PLIN3: variants seen among roughly 807,000 people sequenced by gnomAD.
PLIN3 encodes perilipin-3.
PLIN3 carries 30 observed loss-of-function variants against 35.9 expected under a neutral mutation model. The observed-to-expected ratio is 0.84, with a 90% CI of 0.62 to 1.13. The LOEUF is 1.13. PLIN3 is among the 50% of genes most tolerant of loss of function. The pLI is 0.00. For missense variants in PLIN3, 603 were observed against 596.9 expected, an observed-to-expected ratio of 1.01 and a Z score of -0.11; for synonymous variants, 261 against 262.5, an observed-to-expected ratio of 0.99 and a Z score of 0.06.
rs895146999 is a variant in PLIN3, at chr19:4,842,958, C to T, written c.960+1710G>A. ...ATCTGGGTCCGGGCACGGTGGCTCA[C>T]GCCTGTAATACCAGCACTTTGGGAG... On this transcript the variant is annotated intron_variant, in intron 7 of 7. Coordinates refer to ENST00000221957, the MANE Select transcript of PLIN3 (RefSeq NM_005817.5). Among the ~76,000 whole-genome samples the T allele has an allele frequency of 4.6e-5, 7 of 152,246 alleles. No individual in the cohort carries two copies. In the East Asian group the frequency reaches 5.8e-4, roughly 13 times the overall value.
At chr19:4,864,335 G>A (rs2030777771) in intron 1 of PLIN3, among the ~76,000 whole-genome samples, 1 of 151,812 alleles carries the variant, frequency 6.6e-6, no homozygotes, top group Non-Finnish European at 1.5e-5. Context: ...ATTTTTAGTA[G>A]AGATGGGGTT....
chr19:4,858,142 A>G (rs11669077), intron 4 of PLIN3, among the ~76,000 whole-genome samples: 100,453 of 149,884 alleles, frequency 0.67, 33,804 homozygotes, highest in East Asian at 0.84. Context: ...GCGTGGTGGC[A>G]GACGTCTGCA....
At chr19:4,840,538 C>A (rs919510989) in intron 7 of PLIN3, among the ~76,000 whole-genome samples, 1 of 152,138 alleles carries the variant, frequency 6.6e-6, no homozygotes, top group African/African-American at 2.4e-5. Context: ...CAGGCACGAG[C>A]CACTGCATTT....
intron 7 of PLIN3, among the ~76,000 whole-genome samples, chr19:4,843,369 C>A (rs367744527): frequency 2.6e-5 from 4 of 151,164 alleles, no homozygotes; most frequent in African/African-American, 9.7e-5. Flanking sequence ...TTAGCTGGGC[C>A]TGGTGGCGGG....
intron 1 of PLIN3, among the ~76,000 whole-genome samples, chr19:4,863,978 G>C (rs930104649): frequency 6.6e-6 from 1 of 152,038 alleles, no homozygotes; most frequent in Non-Finnish European, 1.5e-5. Flanking sequence ...TGTCGCCCAG[G>C]CTGCAGTGTA....
rs2030499521 is a variant in PLIN3 at position 4,857,038 on chromosome 19, G to A, written c.348+2552C>T. 3.3e-5 allele frequency among the ~76,000 whole-genome samples: 5 copies of A among 152,132 alleles called. No homozygotes were observed. The South Asian group carries it at 8.3e-4, about 25-fold the overall frequency. ...ATTTTTTCATCCCAGGCTGTTATAG[G>A]TTGAATTATGGCCCCCTCAACCCCA... is the stretch of plus-strand genomic sequence containing the variant. On this transcript the variant is annotated intron_variant, in intron 4 of 7. Transcript: ENST00000221957.
chr19:4,852,314 A>ACAGCAT lies in PLIN3; in HGVS notation c.349-19_349-14dup. ...TGTCCGCCAGGACCTAGGAGATGCAACAGCATCAGCATCTCTGCCTTCCCT... is the reference window on the plus strand; with the variant it reads ...TGTCCGCCAGGACCTAGGAGATGCAACAGCATCAGCATCAGCATCTCTGCCTTCCCT... On this transcript the variant is annotated splice_polypyrimidine_tract_variant and intron_variant, in intron 4 of 7. Coordinates refer to ENST00000221957, the MANE Select transcript of PLIN3 (RefSeq NM_005817.5). The ACAGCAT allele has an allele frequency of 1.3e-6, 2 of 1,596,946 alleles. No individual in the cohort carries two copies. Among genetic ancestry groups the ACAGCAT allele is most frequent in the Non-Finnish European group, 1.7e-6 (2 of 1,177,134 alleles).
intron 4 of PLIN3, among the ~76,000 whole-genome samples, chr19:4,857,675 G>A (rs1351060864): frequency 6.6e-6 from 1 of 151,986 alleles, no homozygotes; most frequent in Non-Finnish European, 1.5e-5. Context: ...CCATTCTGTA[G>A]AAAAGAAAGT....
At chr19:4,844,605 G>A in intron 7 of PLIN3, 63 bp downstream of exon 7, 3 of 1,511,768 alleles carry the variant, frequency 2.0e-6, no homozygotes, top group Non-Finnish European at 2.7e-6. Context: ...TGAAGCAGAG[G>A]TGTAGAGAGT....
intron 4 of PLIN3, 60 bp from the exon 5 acceptor site, chr19:4,852,361 CT>C: frequency 6.4e-7 from 1 of 1,559,710 alleles, no homozygotes; most frequent in East Asian, 2.3e-5. Flanking sequence ...CACCCCTCCC[CT>C]GCACCCCAAC....
intron 5 of PLIN3, among the ~76,000 whole-genome samples, chr19:4,848,621 C>A (rs1003566430): frequency 4.6e-5 from 7 of 152,216 alleles, no homozygotes; most frequent in African/African-American, 7.2e-5. Context: ...AATGCCAGCC[C>A]TTTGGGAGGC....
intron 2 of PLIN3, 103 bp downstream of exon 2, chr19:4,861,226 G>A: frequency 1.1e-6 from 1 of 943,450 alleles, no homozygotes; most frequent in Non-Finnish European, 1.7e-6. Flanking sequence ...TCCGTGAGCT[G>A]CCGGCAGATC....
intron 1 of PLIN3, among the ~76,000 whole-genome samples, chr19:4,861,884 T>C (rs569708618): frequency 2.6e-5 from 4 of 151,876 alleles, no homozygotes; most frequent in Non-Finnish European, 2.9e-5. Context: ...CCACCCACCT[T>C]GGCCTCCCAA....
chr19:4,854,695 G>A (rs1017692703), intron 4 of PLIN3, among the ~76,000 whole-genome samples: 2 of 152,024 alleles, frequency 1.3e-5, no homozygotes, highest in African/African-American at 4.8e-5. Flanking sequence ...ACACTGGCCC[G>A]GATTAAAATC....
intron 4 of PLIN3, among the ~76,000 whole-genome samples, chr19:4,852,946 C>T (rs893844747): frequency 4.6e-5 from 7 of 152,110 alleles, no homozygotes; most frequent in Middle Eastern, 6.8e-3. Flanking sequence ...TCCCGAGTAG[C>T]TGGGATTACA....
intron 4 of PLIN3, among the ~76,000 whole-genome samples, chr19:4,854,094 G>A (rs566234957): frequency 8.6e-5 from 13 of 151,796 alleles, no homozygotes; most frequent in African/African-American, 2.4e-4. Flanking sequence ...CACCACACCC[G>A]GCTTATTTTT....
rs1319027237 is a variant in PLIN3 at position 4,839,142 on chromosome 19, AG to A, written c.*49del. 1 of 1,445,976 alleles carries A rather than the reference AG, an allele frequency of 6.9e-7. No individual in the cohort carries two copies. The highest frequency in any genetic ancestry group is 1.3e-5 in the South Asian group (1 of 79,134). The allele number at this position is 1,445,976 out of a possible 1,614,324, so 89.6% of individuals were successfully genotyped here. Reference sequence around the variant, plus strand: ...ATGAGCCCCGGGTTGAGGACTCCAGAGCACAGCTGCATTATAGAGACGGGGC... The same window carrying A: ...ATGAGCCCCGGGTTGAGGACTCCAGACACAGCTGCATTATAGAGACGGGGC... On this transcript the variant is annotated 3_prime_UTR_variant, in exon 8 of 8. Coordinates refer to ENST00000221957, the MANE Select transcript of PLIN3 (RefSeq NM_005817.5).
In PLIN3 at chr19:4,847,745, G is replaced by T; in HGVS notation, c.780C>A (p.Ala260=). The T allele has an allele frequency of 6.2e-7, 1 of 1,612,198 alleles. No homozygotes were observed. Residue 260 remains alanine (A), a synonymous_variant, in exon 6 of 8, where the codon GCC becomes GCA. Coordinates refer to ENST00000221957, the MANE Select transcript of PLIN3 (RefSeq NM_005817.5). ...AYEHSLGKLR[A]TKQRAQEALL... is the part of the protein sequence containing the mutation. ...GAGCCTCCTGTGCCCTCTGCTTGGT[G>T]GCTCGAAGCTTGCCCAGCGAGTGCT...
chr19:4,864,098 A>AATGTGTGTGTGT (rs1172963843), intron 1 of PLIN3, among the ~76,000 whole-genome samples: 47 of 125,388 alleles, frequency 3.7e-4, no homozygotes, highest in East Asian at 1.6e-3. Flanking sequence ...ACACCTGGCT[A>AATGTGTGTGTGT]GTGTGTGTGT....
Sources: gnomAD v4.1 joint callset for allele counts (sites outside exome capture counted in the v4.1 genomes callset) on GRCh38, gnomAD v4.1.1 for gene constraint, MANE v1.5 for transcripts, NCBI Gene and HGNC (gene_info 2026-07-23, HGNC 2026-07-21) for gene names.